Variants in WDR27 observed in about 807,000 individuals in gnomAD.
The protein encoded by WDR27 is WD repeat-containing protein 27.
A neutral mutation model predicts 114.4 loss-of-function variants in WDR27; 100 were observed. That is an observed-to-expected ratio of 0.87 (90% CI 0.74 to 1.03). The LOEUF (loss-of-function observed/expected upper bound fraction) is 1.03. Among genes scored for constraint, WDR27 ranks in the 50% least tolerant of loss-of-function variants. WDR27 has a pLI of 0.00. For missense variants in WDR27, 1,129 were observed against 1,092.9 expected, an observed-to-expected ratio of 1.03 and a Z score of -0.47; for synonymous variants, 449 against 423.1, an observed-to-expected ratio of 1.06 and a Z score of -0.75.
chr6:169,649,076 A>G (rs1366391660), intron 15 of WDR27, 122 bp downstream of exon 15: 4 of 754,066 alleles, frequency 5.3e-6, no homozygotes, highest in African/African-American at 1.8e-5. Context: ...ATCTGTGTAC[A>G]TATGTGTGTA....
At chr6:169,521,530 C>G (rs1034474498) in intron 25 of WDR27, among the ~76,000 whole-genome samples, 2 of 152,108 alleles carry the variant, frequency 1.3e-5, no homozygotes, top group African/African-American at 2.4e-5. Flanking sequence ...TTGTGGTGTT[C>G]AGTCCACTCA....
chr6:169,639,240 T>C (rs754250650), intron 17 of WDR27, among the ~76,000 whole-genome samples: 25 of 151,922 alleles, frequency 1.6e-4, no homozygotes, highest in East Asian at 5.8e-4. Flanking sequence ...TGCGTGGTGC[T>C]GGGTACTGTG....
At chr6:169,596,002 C>G (rs1806720954) in intron 23 of WDR27, among the ~76,000 whole-genome samples, 1 of 151,854 alleles carries the variant, frequency 6.6e-6, no homozygotes, top group East Asian at 1.9e-4. Flanking sequence ...ATACTCTTTC[C>G]CTTATAAGCA....
chr6:169,564,115 G>A (rs1451830178), intron 25 of WDR27, among the ~76,000 whole-genome samples: 2 of 152,210 alleles, frequency 1.3e-5, no homozygotes, highest in Non-Finnish European at 1.5e-5. Flanking sequence ...GTCTGTGGCC[G>A]AAGGCCCAAG....
chr6:169,670,429 A>G, intron 4 of WDR27, 140 bp downstream of exon 4: 2 of 876,208 alleles, frequency 2.3e-6, no homozygotes, highest in East Asian at 5.5e-5. Context: ...ATGATTTTAT[A>G]AAAGTAAACT....
At chr6:169,666,174 T>A (rs1231424737) in intron 6 of WDR27, among the ~76,000 whole-genome samples, 1 of 152,198 alleles carries the variant, frequency 6.6e-6, no homozygotes, top group Admixed American at 6.5e-5. Flanking sequence ...TGTATCATTG[T>A]TCTTGGCAAC....
intron 1 of WDR27, chr6:169,689,287 C>T: frequency 3.7e-6 from 1 of 273,666 alleles, no homozygotes; most frequent in South Asian, 6.9e-5. Flanking sequence ...CCTGCTTAGG[C>T]TTCCTCGATC....
chr6:169,540,228 C>T (rs952732993), intron 25 of WDR27, among the ~76,000 whole-genome samples: 15 of 152,136 alleles, frequency 9.9e-5, no homozygotes, highest in African/African-American at 2.7e-4. Context: ...ATTCCTCACA[C>T]CCAACTGAAA....
Position 169,536,464 on chromosome 6 carries a change from T to C in WDR27, c.2645+35955A>G, listed in dbSNP as rs1312327089. On this transcript the variant is annotated intron_variant, in intron 25 of 25. Transcript: ENST00000448612. ...GCTGTAATAATCCTAAGTTTATTTC[T>C]AGATGTCTGAATCTCCCACTTAAAG... Among the ~76,000 whole-genome samples, 4 of 152,234 alleles carry C rather than the reference T, an allele frequency of 2.6e-5. No individual in the cohort carries two copies. In the South Asian group the frequency reaches 6.2e-4, roughly 24 times the overall value.
chr6:169,503,825 T>C (rs900889164), intron 25 of WDR27, among the ~76,000 whole-genome samples: 1 of 151,774 alleles, frequency 6.6e-6, no homozygotes, highest in Non-Finnish European at 1.5e-5. Context: ...GCCACTTCCA[T>C]AAGATTTCAG....
intron 21 of WDR27, among the ~76,000 whole-genome samples, chr6:169,628,240 A>G (rs1815367194): frequency 6.6e-6 from 1 of 152,128 alleles, no homozygotes; most frequent in Non-Finnish European, 1.5e-5. Context: ...CCCTCATGAG[A>G]CGCTGATCTG....
At chr6:169,688,439 T>C (rs1434284039) in intron 2 of WDR27, among the ~76,000 whole-genome samples, 4 of 152,132 alleles carry the variant, frequency 2.6e-5, no homozygotes, top group African/African-American at 9.7e-5. Context: ...TTAGTTATAG[T>C]CATTACAACA....
intron 1 of WDR27, among the ~76,000 whole-genome samples, chr6:169,697,627 C>G (rs1786536564): frequency 6.6e-6 from 1 of 152,198 alleles, no homozygotes; most frequent in Non-Finnish European, 1.5e-5. Context: ...ATAGCAGTAG[C>G]AAAATTAGTG....
chr6:169,493,269 G>C (rs1430822313), intron 25 of WDR27, among the ~76,000 whole-genome samples: 5 of 151,800 alleles, frequency 3.3e-5, no homozygotes, highest in Non-Finnish European at 7.4e-5. Context: ...ACATAAGTAG[G>C]GAAGAAGATA....
At chr6:169,525,590 T>C (rs908517931) in intron 25 of WDR27, among the ~76,000 whole-genome samples, 53 of 148,792 alleles carry the variant, frequency 3.6e-4, no homozygotes, top group African/African-American at 1.3e-3. Context: ...AGACAGGGAA[T>C]GACATATGCG....
At chr6:169,455,205 C>T (rs16888038), downstream of WDR27, among the ~76,000 whole-genome samples, 4,649 of 152,260 alleles carry the variant, frequency 0.031, 217 homozygotes, top group African/African-American at 0.1. Context: ...AGACTTTGCA[C>T]GGGAGCAGTA....
chr6:169,588,783 C>G (rs1805128989), intron 23 of WDR27, among the ~76,000 whole-genome samples: 1 of 152,322 alleles, frequency 6.6e-6, no homozygotes, highest in Middle Eastern at 3.4e-3. Flanking sequence ...GTAACCCTAA[C>G]ATTTACACAG....
At chr6:169,566,355 T>C (rs909572543) in intron 25 of WDR27, among the ~76,000 whole-genome samples, 8 of 152,192 alleles carry the variant, frequency 5.3e-5, no homozygotes, top group African/African-American at 1.9e-4. Context: ...CTGACAGCCC[T>C]TGCTCCTGGC....
Position 169,672,234 on chromosome 6 carries a change from A to G in WDR27, c.331+21T>C, listed in dbSNP as rs1282767004. The G allele has an allele frequency of 1.9e-6, 3 of 1,609,788 alleles. No homozygotes were observed. The Admixed American group carries it at 5.0e-5, about 27-fold the overall frequency. On this transcript the variant is annotated intron_variant, in intron 3 of 25. Coordinates refer to ENST00000448612, the MANE Select transcript of WDR27 (RefSeq NM_182552.5). ...ATTCCTTTTGCAGGTTTTTAAAAAC[A>G]TGTTTTAGATTTTCATTTACCTTGA... is the stretch of plus-strand genomic sequence containing the variant.
Sources: allele counts gnomAD v4.1 joint callset (sites outside exome capture counted in the v4.1 genomes callset), GRCh38; gene constraint gnomAD v4.1.1; transcripts MANE v1.5; gene names NCBI Gene and HGNC (gene_info 2026-07-23, HGNC 2026-07-21).